The following EYS variants were observed in gnomAD, a reference collection of about 807,000 sequenced individuals.
EYS encodes EGF-like photoreceptor maintenance factor.
In EYS, 250 loss-of-function variants were observed where a neutral mutation model predicts 282.1. That is an observed-to-expected ratio of 0.89 (90% CI 0.80 to 0.98). The LOEUF is 0.98. EYS is among the 50% of genes least tolerant of loss of function. EYS has a pLI of 0.00. For missense variants in EYS, 4,016 were observed against 3,709.0 expected (o/e 1.08, Z -2.15); for synonymous variants, 1,355 against 1,282.9 (o/e 1.06, Z -1.20).
chr6:65,130,742 C>G (rs1183491617), intron 12 of EYS, among the ~76,000 whole-genome samples: 4 of 150,674 alleles, frequency 2.7e-5, no homozygotes, highest in Non-Finnish European at 4.4e-5. Flanking sequence ...GTACAACAAA[C>G]CCCTATGACA....
At chr6:65,051,779 A>G (rs528474295) in intron 13 of EYS, among the ~76,000 whole-genome samples, 1 of 151,660 alleles carries the variant, frequency 6.6e-6, no homozygotes, top group African/African-American at 2.4e-5. Context: ...GAATCTAAAA[A>G]AAGATAAAGT....
intron 41 of EYS, among the ~76,000 whole-genome samples, chr6:63,760,837 A>C (rs1769620437): frequency 6.6e-6 from 1 of 151,924 alleles, no homozygotes; most frequent in Non-Finnish European, 1.5e-5. Context: ...TTAAGCATCA[A>C]AACTGTGGCT....
intron 35 of EYS, among the ~76,000 whole-genome samples, chr6:63,928,119 T>G (rs977109475): frequency 6.6e-6 from 1 of 152,220 alleles, no homozygotes; most frequent in Non-Finnish European, 1.5e-5. Context: ...GTTGAGAAGA[T>G]CAATCGTGCT....
At chr6:64,491,562 A>G (rs2150506116) in intron 26 of EYS, among the ~76,000 whole-genome samples, 2 of 151,182 alleles carry the variant, frequency 1.3e-5, no homozygotes, top group South Asian at 4.1e-4. Flanking sequence ...TCTTTGTGCC[A>G]GTACTGGTCT....
intron 31 of EYS, among the ~76,000 whole-genome samples, chr6:64,092,655 C>T (rs1391668668): frequency 6.6e-6 from 1 of 151,842 alleles, no homozygotes; most frequent in African/African-American, 2.4e-5. Context: ...GGATATTAGC[C>T]CTTTGTCAGA....
chr6:64,638,450 T>C lies in EYS; in HGVS notation c.3444-12205A>G, dbSNP rs1305988940. Among the ~76,000 whole-genome samples, 8 of 92,298 alleles carry C rather than the reference T, an allele frequency of 8.7e-5. 3 individuals carry two copies. The highest frequency in any genetic ancestry group is 3.3e-4 in the African/African-American group (8 of 24,396). The allele number at this position is 92,298 out of a possible 152,430, so 60.6% of individuals were successfully genotyped here. ...AAATACACGCATAATGTTGTAATGA[T>C]AATTATTAAGAGCTGTGAATTGTCA... On this transcript the variant is annotated intron_variant, in intron 22 of 42. Coordinates refer to ENST00000503581, the MANE Select transcript of EYS (RefSeq NM_001142800.2).
At chr6:63,945,900 A>G (rs1337969076) in intron 35 of EYS, among the ~76,000 whole-genome samples, 1 of 152,234 alleles carries the variant, frequency 6.6e-6, no homozygotes, top group Non-Finnish European at 1.5e-5. Flanking sequence ...TAATGGCTTC[A>G]CAAGTATTTG....
In EYS at chr6:65,660,963, C is replaced by T. The variant is rs777964037; in HGVS notation, c.-447-21071G>A. Among the ~76,000 whole-genome samples, 30 of 151,728 alleles carry T rather than the reference C, an allele frequency of 2.0e-4. 1 individual carries two copies. The highest frequency in any genetic ancestry group is 6.0e-4 in the African/African-American group (25 of 41,374). On this transcript the variant is annotated intron_variant, in intron 1 of 42. Coordinates refer to ENST00000503581, the MANE Select transcript of EYS (RefSeq NM_001142800.2). The stretch of plus-strand genomic sequence containing the variant: ...ATTATGATAATGATGATAATAAAAG[C>T]GATATTTAATAATATAAATTGTACC...
chr6:64,184,351 G>T (rs756424472), intron 31 of EYS, among the ~76,000 whole-genome samples: 1 of 152,100 alleles, frequency 6.6e-6, no homozygotes, highest in Non-Finnish European at 1.5e-5. Flanking sequence ...TGTGCCTTCT[G>T]CCTGATAATA....
intron 5 of EYS, among the ~76,000 whole-genome samples, chr6:65,488,050 T>G (rs977539295): frequency 1.3e-5 from 2 of 152,178 alleles, no homozygotes; most frequent in African/African-American, 4.8e-5. Flanking sequence ...TTTCATCTAT[T>G]TAATTCTTCT....
At chr6:64,659,070 G>A (rs1768884200) in intron 22 of EYS, among the ~76,000 whole-genome samples, 1 of 152,022 alleles carries the variant, frequency 6.6e-6, no homozygotes, top group Non-Finnish European at 1.5e-5. Context: ...TAGAACTCAG[G>A]ATTAAGAAAC....
intron 29 of EYS, among the ~76,000 whole-genome samples, chr6:64,345,430 C>G (rs1201682758): frequency 1.3e-5 from 2 of 151,760 alleles, no homozygotes; most frequent in African/African-American, 4.8e-5. Flanking sequence ...TGACAAACCT[C>G]ACAAAAACAA....
intron 26 of EYS, among the ~76,000 whole-genome samples, chr6:64,538,897 A>T (rs948727843): frequency 3.9e-5 from 6 of 152,200 alleles, no homozygotes; most frequent in African/African-American, 1.4e-4. Context: ...CTCCACCAGG[A>T]ATAACATATC....
chr6:63,926,971 T>G (rs1764733880), intron 35 of EYS, among the ~76,000 whole-genome samples: 1 of 152,202 alleles, frequency 6.6e-6, no homozygotes, highest in Non-Finnish European at 1.5e-5. Context: ...AAGTAAATAT[T>G]AGCTCACTTG....
intron 12 of EYS, among the ~76,000 whole-genome samples, chr6:65,112,957 C>G (rs889305882): frequency 6.6e-6 from 1 of 152,002 alleles, no homozygotes; most frequent in Admixed American, 6.6e-5. Context: ...CTGAAGTGTT[C>G]AGCATGTTTC....
At chr6:64,051,699 A>C (rs1770814747) in intron 33 of EYS, among the ~76,000 whole-genome samples, 1 of 152,138 alleles carries the variant, frequency 6.6e-6, no homozygotes, top group Non-Finnish European at 1.5e-5. Flanking sequence ...TTATAAACAG[A>C]AGTCTTCCAG....
intron 11 of EYS, chr6:65,332,168 T>C: frequency 2.0e-6 from 1 of 499,976 alleles, no homozygotes. Flanking sequence ...GGAAGTTCCC[T>C]TTTATTCTTT....
intron 15 of EYS, among the ~76,000 whole-genome samples, chr6:64,919,122 C>T (rs1334744953): frequency 6.6e-6 from 1 of 152,000 alleles, no homozygotes; most frequent in African/African-American, 2.4e-5. Context: ...AGCATGTGGT[C>T]GGATAGACAG....
intron 14 of EYS, among the ~76,000 whole-genome samples, chr6:64,951,543 T>C (rs1461874526): frequency 6.6e-6 from 1 of 151,974 alleles, no homozygotes. Context: ...AGTAGAAATA[T>C]ACTATTGAGA....
Sources: allele counts gnomAD v4.1 joint callset (sites outside exome capture counted in the v4.1 genomes callset), GRCh38; gene constraint gnomAD v4.1.1; transcripts MANE v1.5; gene names NCBI Gene and HGNC (gene_info 2026-07-23, HGNC 2026-07-21).